Variants in CFTR observed in about 807,000 individuals in gnomAD.
CFTR encodes the protein CF transmembrane conductance regulator, also known as cystic fibrosis transmembrane conductance regulator.
Under a neutral mutation model 171.6 loss-of-function variants are expected in CFTR, and 181 were observed. That is an observed-to-expected ratio of 1.05 (90% confidence interval 0.93 to 1.19). The LOEUF (loss-of-function observed/expected upper bound fraction) is 1.19, where lower values mean the gene tolerates loss of function less well. Ranked by LOEUF, CFTR falls within the 50% of genes most tolerant of loss-of-function variation. The pLI is 0.00. For missense variants in CFTR, 1,968 were observed against 1,734.7 expected, an observed-to-expected ratio of 1.13 and a Z score of -2.39; for synonymous variants, 583 against 608.0, an observed-to-expected ratio of 0.96 and a Z score of 0.60.
In CFTR at chr7:117,652,297, G is replaced by A. The variant is rs1251785203; in HGVS notation, c.3874-545G>A. Among the ~76,000 whole-genome samples, 4 of 152,184 alleles carry A rather than the reference G, an allele frequency of 2.6e-5. No individual in the cohort carries two copies. The South Asian group carries it at 8.3e-4, about 32-fold the overall frequency. On this transcript the variant is annotated intron_variant, in intron 23 of 26. Transcript: ENST00000003084. ...TAAGTTGAGGCTCTCTCTTGTGCCTGTCTGATCAGATAAGTAGAGTTGTGC... is the reference window on the plus strand; with the variant it reads ...TAAGTTGAGGCTCTCTCTTGTGCCTATCTGATCAGATAAGTAGAGTTGTGC...
intron 11 of CFTR, among the ~76,000 whole-genome samples, chr7:117,567,706 C>T (rs80326721): frequency 0.012 from 1,765 of 152,200 alleles, 38 homozygotes; most frequent in African/African-American, 0.04. Context: ...AGATATCATT[C>T]GGTAAATACT....
In CFTR at chr7:117,592,618, C is replaced by G; in HGVS notation, c.2451C>G (p.Gly817=). Residue 817 remains glycine, a synonymous_variant, in exon 14 of 27, where the codon GGC becomes GGG. Transcript: ENST00000003084. ...IYSRRLSQET[G]LEISEEINEE... is the part of the protein sequence containing the mutation. ...CAAGAAGGTTATCTCAAGAAACTGG[C>G]TTGGAAATAAGTGAAGAAATTAACG... The G allele has an allele frequency of 6.5e-7, 1 of 1,533,312 alleles. No homozygotes were observed. Among genetic ancestry groups the G allele is most frequent in the Non-Finnish European group, 8.7e-7 (1 of 1,147,708 alleles). 95.0% of individuals were successfully genotyped at this position (1,533,312 alleles called of 1,614,324 possible). A position where few individuals can be genotyped will look rare whatever the true frequency, so the allele number is the denominator to read the frequency against.
rs112937139 is a variant in CFTR, at chr7:117,496,664, A to G, written c.54-7589A>G. Among the ~76,000 whole-genome samples the G allele has an allele frequency of 1.5e-4, 23 of 152,226 alleles. No individual in the cohort carries two copies. The South Asian group carries it at 2.1e-3, about 14-fold the overall frequency. On this transcript the variant is annotated intron_variant, in intron 1 of 26. Coordinates refer to ENST00000003084, the MANE Select transcript of CFTR (RefSeq NM_000492.4). Reference sequence around the variant, plus strand: ...TGTACAAGTTTTTGTGCAGACATCCATTTTCCTTTCTTTTGGGCATATACC... The same window carrying G: ...TGTACAAGTTTTTGTGCAGACATCCGTTTTCCTTTCTTTTGGGCATATACC...
intron 3 of CFTR, among the ~76,000 whole-genome samples, chr7:117,521,411 C>T (rs1371787585): frequency 6.6e-6 from 1 of 151,938 alleles, no homozygotes; most frequent in Non-Finnish European, 1.5e-5. Context: ...ATAATTATGG[C>T]ATTGATTGTA....
At chr7:117,569,531 G>A (rs192126913) in intron 11 of CFTR, among the ~76,000 whole-genome samples, 46 of 152,224 alleles carry the variant, frequency 3.0e-4, no homozygotes, top group African/African-American at 1.0e-3. Flanking sequence ...ATATACAAAT[G>A]CGCTCAATCT....
chr7:117,565,041 C>T (rs879693378), intron 11 of CFTR, among the ~76,000 whole-genome samples: 23 of 152,272 alleles, frequency 1.5e-4, no homozygotes, highest in Admixed American at 2.6e-4. Context: ...TTTACATATC[C>T]TACTTTAAAA....
intron 22 of CFTR, among the ~76,000 whole-genome samples, chr7:117,636,465 G>A (rs552248200): frequency 1.3e-5 from 2 of 151,946 alleles, no homozygotes; most frequent in Admixed American, 6.6e-5. Context: ...AGTCATTATT[G>A]CTTCAAATAT....
intron 15 of CFTR, among the ~76,000 whole-genome samples, chr7:117,596,018 G>A (rs560397364): frequency 6.6e-6 from 1 of 152,344 alleles, no homozygotes; most frequent in East Asian, 1.9e-4. Context: ...CACTCTCAGG[G>A]CCTCCTTGAC....
intron 24 of CFTR, among the ~76,000 whole-genome samples, chr7:117,654,423 G>A (rs77041199): frequency 0.021 from 3,151 of 152,210 alleles, 47 homozygotes; most frequent in Non-Finnish European, 0.031. Context: ...GTATGGCAAT[G>A]GAGTATGGGG....
intron 23 of CFTR, among the ~76,000 whole-genome samples, chr7:117,649,517 A>AT (rs1185723853): frequency 5.3e-4 from 32 of 60,520 alleles, no homozygotes; most frequent in Middle Eastern, 7.5e-3. Flanking sequence ...ATATATATAT[A>AT]TATTTTTTTT....
chr7:117,511,290 G>A (rs531887039), intron 3 of CFTR, among the ~76,000 whole-genome samples: 1 of 152,244 alleles, frequency 6.6e-6, no homozygotes, highest in African/African-American at 2.4e-5. Context: ...ATCCACCCAA[G>A]AACCAGTCAT....
chr7:117,500,260 A>C (rs979514773), intron 1 of CFTR, among the ~76,000 whole-genome samples: 1 of 148,170 alleles, frequency 6.7e-6, no homozygotes, highest in Non-Finnish European at 1.5e-5. Flanking sequence ...CTTTGATGGG[A>C]CATAATTTTC....
At chr7:117,494,697 T>G (rs1798211291) in intron 1 of CFTR, among the ~76,000 whole-genome samples, 1 of 152,114 alleles carries the variant, frequency 6.6e-6, no homozygotes, top group South Asian at 2.1e-4. Context: ...ATAAGGGATT[T>G]TGAGGTCTAG....
intron 1 of CFTR, among the ~76,000 whole-genome samples, chr7:117,486,718 G>GGGCTTTGTA (rs1178776432): frequency 6.6e-6 from 1 of 151,794 alleles, no homozygotes; most frequent in South Asian, 2.1e-4. Flanking sequence ...GATCGTAAGG[G>GGGCTTTGTA]GGCTTTGTAG....
chr7:117,489,074 G>T (rs1225229680), intron 1 of CFTR, among the ~76,000 whole-genome samples: 2 of 151,976 alleles, frequency 1.3e-5, no homozygotes, highest in Admixed American at 6.6e-5. Flanking sequence ...AAAAAAACAG[G>T]TAATATTTAG....
intron 1 of CFTR, 85 bp downstream of exon 1, chr7:117,480,232 G>C: frequency 8.1e-7 from 1 of 1,240,488 alleles, no homozygotes; most frequent in Non-Finnish European, 1.2e-6. Context: ...TGGGGTAAAG[G>C]AATAAGCAGT....
chr7:117,593,127 G>C (rs1328962117), intron 14 of CFTR, among the ~76,000 whole-genome samples: 1 of 152,114 alleles, frequency 6.6e-6, no homozygotes, highest in East Asian at 1.9e-4. Context: ...TATCAGTCTT[G>C]CCTGAATTTA....
intron 15 of CFTR, among the ~76,000 whole-genome samples, chr7:117,596,605 G>A (rs1204436338): frequency 6.6e-6 from 1 of 152,244 alleles, no homozygotes; most frequent in Admixed American, 6.5e-5. Flanking sequence ...GGATCTTTAT[G>A]TCTAGCTAAG....
At chr7:117,517,294 G>A (rs1798610293) in intron 3 of CFTR, among the ~76,000 whole-genome samples, 1 of 151,996 alleles carries the variant, frequency 6.6e-6, no homozygotes, top group African/African-American at 2.4e-5. Flanking sequence ...ACTTATGAGT[G>A]AGAACATGTG....
Sources: gnomAD v4.1 joint callset for allele counts (sites outside exome capture counted in the v4.1 genomes callset) on GRCh38, gnomAD v4.1.1 for gene constraint, MANE v1.5 for transcripts, NCBI Gene and HGNC (gene_info 2026-07-23, HGNC 2026-07-21) for gene names.